Variants in AMZ1 observed in about 807,000 individuals in gnomAD.
AMZ1 encodes the protein archaelysin family metallopeptidase 1.
AMZ1 carries 39 observed loss-of-function variants against 29.9 expected under a neutral mutation model. That is an observed-to-expected ratio of 1.30 (90% CI 1.01 to 1.70). The LOEUF (loss-of-function observed/expected upper bound fraction) is 1.70, where lower values mean the gene tolerates loss of function less well. AMZ1 is among the 40% of genes most tolerant of loss of function. The probability of loss-of-function intolerance (pLI) is 0.00; values close to 1 mark genes in which losing one functional copy is unlikely to be tolerated. For synonymous variants in AMZ1, 458 were observed against 304.0 expected, an observed-to-expected ratio of 1.51 and a Z score of -5.27; for missense variants, 1,041 against 680.6, an observed-to-expected ratio of 1.53 and a Z score of -5.89.
chr7:2,758,504 G>T (rs865785698), intron 4 of AMZ1, among the ~76,000 whole-genome samples: 6 of 152,152 alleles, frequency 3.9e-5, no homozygotes, highest in African/African-American at 1.4e-4. Flanking sequence ...TGCAGCGTGG[G>T]AGGAAGCTGG....
At chr7:2,704,300 C>T (rs575084277) in intron 3 of AMZ1, among the ~76,000 whole-genome samples, 5 of 152,248 alleles carry the variant, frequency 3.3e-5, no homozygotes, top group Admixed American at 6.5e-5. Flanking sequence ...AGCAGGTGTT[C>T]AAGACCAGCC....
At chr7:2,708,897 C>T (rs1365964858) in intron 4 of AMZ1, among the ~76,000 whole-genome samples, 178 bp from the exon 5 acceptor site, 1 of 152,192 alleles carries the variant, frequency 6.6e-6, no homozygotes, top group Non-Finnish European at 1.5e-5. Context: ...AGGGGCTGTT[C>T]CTCAGCTGTG....
At chr7:2,690,199 G>A (rs1270787490) in intron 1 of AMZ1, among the ~76,000 whole-genome samples, 1 of 151,994 alleles carries the variant, frequency 6.6e-6, no homozygotes, top group Non-Finnish European at 1.5e-5. Flanking sequence ...CTGTGTTTTT[G>A]TGTGTGTGTG....
At chr7:2,708,259 T>C (rs1788489419) in intron 3 of AMZ1, among the ~76,000 whole-genome samples, 1 of 152,196 alleles carries the variant, frequency 6.6e-6, no homozygotes, top group Admixed American at 6.5e-5. Context: ...GTGGACTCTC[T>C]GGGGCTGTCG....
intron 4 of AMZ1, among the ~76,000 whole-genome samples, chr7:2,739,820 C>G (rs545737351): frequency 5.3e-5 from 8 of 152,074 alleles, no homozygotes; most frequent in Non-Finnish European, 1.2e-4. Context: ...TACAGGCGTG[C>G]GCCACCAAAC....
Position 2,725,704 on chromosome 7 carries a change from C to T in AMZ1, n.550+15888C>T, listed in dbSNP as rs966969512. ...CCCGAAAACCGTAGACTCTGCCTCT[C>T]CCTGGTCGCCTGTCAGCCGCCGTTG... On this transcript the variant is annotated intron_variant and non_coding_transcript_variant, in intron 4 of 4. Transcript: ENST00000489665. Among the ~76,000 whole-genome samples the T allele has an allele frequency of 1.9e-4, 29 of 152,242 alleles. 2 individuals carry two copies. Among genetic ancestry groups the T allele is most frequent in the Non-Finnish European group, 4.4e-5 (3 of 68,052 alleles).
At chr7:2,734,836 C>A (rs1428846124) in intron 4 of AMZ1, among the ~76,000 whole-genome samples, 1 of 152,190 alleles carries the variant, frequency 6.6e-6, no homozygotes, top group Non-Finnish European at 1.5e-5. Flanking sequence ...CACCTCGTGA[C>A]CACCGGCTCT....
At position 2,713,025 on chromosome 7, in the gene AMZ1, GC is replaced by G; in HGVS notation, c.*149del. On this transcript the variant is annotated 3_prime_UTR_variant, in exon 7 of 7. Coordinates refer to ENST00000683327, the MANE Select transcript of AMZ1 (RefSeq NM_001384743.1). Reference sequence around the variant, plus strand: ...GCCTGTCATCCCATCACTTTGAGAGGCCAGGAGTTTGAGACCAGACTGGGCA... The same window carrying G: ...GCCTGTCATCCCATCACTTTGAGAGGCAGGAGTTTGAGACCAGACTGGGCA... The G allele has an allele frequency of 1.1e-6, 1 of 906,028 alleles. No homozygotes were observed. Among genetic ancestry groups the G allele is most frequent in the Non-Finnish European group, 1.5e-6 (1 of 659,776 alleles). The allele number at this position is 906,028 out of a possible 1,614,324, so 56.1% of individuals were successfully genotyped here. A position where few individuals can be genotyped will look rare whatever the true frequency, so the allele number is the denominator to read the frequency against.
chr7:2,728,751 G>A (rs1007762087), intron 4 of AMZ1: 3 of 152,436 alleles, frequency 2.0e-5, no homozygotes, highest in Non-Finnish European at 2.9e-5. Flanking sequence ...TGACAGTTTA[G>A]CCTTGCAGAG....
intron 4 of AMZ1, among the ~76,000 whole-genome samples, chr7:2,750,866 C>G (rs1025329226): frequency 2.6e-5 from 4 of 152,208 alleles, no homozygotes; most frequent in African/African-American, 7.2e-5. Context: ...AGCTTGGGAA[C>G]TGAAATAACT....
chr7:2,693,267 T>C (rs1427221465), intron 1 of AMZ1, among the ~76,000 whole-genome samples: 1 of 152,168 alleles, frequency 6.6e-6, no homozygotes, highest in Non-Finnish European at 1.5e-5. Flanking sequence ...ATTGTATTTT[T>C]AGGAGAGATG....
At chr7:2,755,352 A>G (rs990700494) in intron 4 of AMZ1, among the ~76,000 whole-genome samples, 2 of 152,238 alleles carry the variant, frequency 1.3e-5, no homozygotes, top group Admixed American at 6.5e-5. Flanking sequence ...AGGGGAGAAC[A>G]GACATCTTGA....
rs1788899909 is a variant in AMZ1 at position 2,712,986 on chromosome 7, G to C, written c.*108G>C. 7.9e-7 allele frequency: 1 copy of C among 1,264,132 alleles called. No homozygotes were observed. Among genetic ancestry groups the C allele is most frequent in the Non-Finnish European group, 1.0e-6 (1 of 968,960 alleles). The allele number at this position is 1,264,132 out of a possible 1,614,324, so 78.3% of individuals were successfully genotyped here. ...AGGGATAAAGAGGAAGGGTCTGCCT[G>C]GGTGGTGGCTCAGGCCTGTCATCCC... On this transcript the variant is annotated 3_prime_UTR_variant, in exon 7 of 7. Transcript: ENST00000683327.
intron 6 of AMZ1, among the ~76,000 whole-genome samples, chr7:2,710,211 T>G (rs934170401): frequency 1.3e-5 from 2 of 152,008 alleles, no homozygotes; most frequent in African/African-American, 2.4e-5. Flanking sequence ...ACAGGCCCCT[T>G]GCGAGGAGGT....
chr7:2,757,343 G>A (rs1178638489), intron 4 of AMZ1, among the ~76,000 whole-genome samples: 1 of 152,052 alleles, frequency 6.6e-6, no homozygotes, highest in Non-Finnish European at 1.5e-5. Flanking sequence ...GCCATGTCAG[G>A]TGGGCCTTTT....
At chr7:2,722,943 C>T (rs1439971729), downstream of AMZ1, among the ~76,000 whole-genome samples, 1 of 152,012 alleles carries the variant, frequency 6.6e-6, no homozygotes, top group Non-Finnish European at 1.5e-5. Context: ...CACACCACTG[C>T]ACTCCAGCCT....
In AMZ1 at chr7:2,719,023, T is replaced by C. The variant is rs1185083433; in HGVS notation, c.*6145T>C. ...GAACAGGCGACTTTTTTTTTTTTTT[T>C]TCCCCCCCATCTGAAGTGAGATCAA... On this transcript the variant is annotated 3_prime_UTR_variant, in exon 7 of 7. Coordinates refer to ENST00000683327, the MANE Select transcript of AMZ1 (RefSeq NM_001384743.1). 3.0e-5 allele frequency among the ~76,000 whole-genome samples: 3 copies of C among 100,962 alleles called. No homozygotes were observed. The highest frequency in any genetic ancestry group is 5.2e-4 in the South Asian group (2 of 3,852). 66.2% of individuals were successfully genotyped at this position (100,962 alleles called of 152,430 possible). A position where few individuals can be genotyped will look rare whatever the true frequency, so the allele number is the denominator to read the frequency against.
intron 4 of AMZ1, among the ~76,000 whole-genome samples, chr7:2,738,241 C>A (rs903529524): frequency 2.0e-5 from 3 of 151,816 alleles, no homozygotes; most frequent in Non-Finnish European, 1.5e-5. Context: ...ATGGTGAAAC[C>A]CTGTCTGTAC....
At position 2,716,993 on chromosome 7, in the gene AMZ1, G is replaced by C. The variant is rs77265803; in HGVS notation, c.*4115G>C. On this transcript the variant is annotated 3_prime_UTR_variant, in exon 7 of 7. Coordinates refer to ENST00000683327, the MANE Select transcript of AMZ1 (RefSeq NM_001384743.1). The stretch of plus-strand genomic sequence containing the variant: ...AGCTTTCTAAAAGCAAGCTGGAGCG[G>C]TCTGAGCAGGAAGAGAGTAAGAAGG... Among the ~76,000 whole-genome samples, 7 of 152,230 alleles carry C rather than the reference G, an allele frequency of 4.6e-5. No individual in the cohort carries two copies. The highest frequency in any genetic ancestry group is 8.8e-5 in the Non-Finnish European group (6 of 68,048).
Sources: gnomAD v4.1 joint callset for allele counts (sites outside exome capture counted in the v4.1 genomes callset) on GRCh38, gnomAD v4.1.1 for gene constraint, MANE v1.5 for transcripts, NCBI Gene and HGNC (gene_info 2026-07-23, HGNC 2026-07-21) for gene names.